Variants in RABGAP1L observed in about 807,000 individuals in gnomAD.
RABGAP1L encodes the protein rab GTPase-activating protein 1-like.
A neutral mutation model predicts 137.7 loss-of-function variants in RABGAP1L; 63 were observed. The ratio of observed to expected loss-of-function variants is 0.46; its 90% CI spans 0.37 to 0.56. The LOEUF is 0.56. Among genes scored for constraint, RABGAP1L ranks in the 20% least tolerant of loss-of-function variants. RABGAP1L has a pLI of 0.00. For synonymous variants in RABGAP1L, 431 were observed against 433.7 expected (o/e 0.99, Z 0.08); for missense variants, 1,095 against 1,244.0 (o/e 0.88, Z 1.80).
intron 18 of RABGAP1L, among the ~76,000 whole-genome samples, chr1:174,772,553 G>A (rs1290444897): frequency 1.7e-5 from 2 of 115,806 alleles, no homozygotes; most frequent in East Asian, 4.8e-4. Context: ...GGGCAACAGA[G>A]CAAGACTCCA....
rs1553248317 is a variant in RABGAP1L at position 174,176,741 on chromosome 1, A to AAATAATAAAAT, written c.-34+17086_-34+17087insTAATAAAATAA. Among the ~76,000 whole-genome samples, 3 of 111,778 alleles carry AAATAATAAAAT rather than the reference A, an allele frequency of 2.7e-5. 1 individual carries two copies. The highest frequency in any genetic ancestry group is 1.1e-4 in the African/African-American group (3 of 27,976). 73.3% of individuals were successfully genotyped at this position (111,778 alleles called of 152,430 possible). A position where few individuals can be genotyped will look rare whatever the true frequency, so the allele number is the denominator to read the frequency against. On this transcript the variant is annotated intron_variant, in intron 1 of 25. Transcript: ENST00000681986. ...AAAAAAAAAAAAAAAAAAAAAAAAA[A>AAATAATAAAAT]AAAAAGGTCAACATTTGTTAATACT...
intron 5 of RABGAP1L, among the ~76,000 whole-genome samples, chr1:174,248,992 A>G (rs1332732250): frequency 7.9e-5 from 12 of 152,322 alleles, no homozygotes; most frequent in Non-Finnish European, 1.5e-4. Flanking sequence ...TGGTGCTTCA[A>G]GCTCACAAGT....
intron 13 of RABGAP1L, among the ~76,000 whole-genome samples, chr1:174,559,950 A>G (rs1324311562): frequency 7.9e-5 from 12 of 152,192 alleles, no homozygotes; most frequent in Admixed American, 7.9e-4. Context: ...CCTGGCCAAC[A>G]TGGTGAAACC....
At chr1:174,227,482 T>G (rs2148492830) in intron 3 of RABGAP1L, among the ~76,000 whole-genome samples, 1 of 152,192 alleles carries the variant, frequency 6.6e-6, no homozygotes, top group East Asian at 1.9e-4. Flanking sequence ...ATTACAGGCA[T>G]GAGTCACTGC....
intron 18 of RABGAP1L, among the ~76,000 whole-genome samples, chr1:174,768,500 G>A (rs750899053): frequency 8.5e-5 from 13 of 152,196 alleles, no homozygotes; most frequent in African/African-American, 3.1e-4. Flanking sequence ...TAGTCAACTG[G>A]TAAGGGAAAA....
chr1:174,609,234 G>A (rs1377491445), intron 13 of RABGAP1L, among the ~76,000 whole-genome samples: 1 of 152,120 alleles, frequency 6.6e-6, no homozygotes, highest in African/African-American at 2.4e-5. Flanking sequence ...CCTTCTCTTA[G>A]CCCTAGAGCC....
At chr1:174,635,064 T>TA (rs201569900) in intron 13 of RABGAP1L, among the ~76,000 whole-genome samples, 7 of 150,544 alleles carry the variant, frequency 4.6e-5, no homozygotes, top group African/African-American at 1.5e-4. Context: ...AATAAAAAAA[T>TA]AAAAAAAGAA....
rs553972845 is a variant in RABGAP1L at position 174,493,978 on chromosome 1, G to A, written c.1710+99833G>A. On this transcript the variant is annotated intron_variant, in intron 13 of 25. Coordinates refer to ENST00000681986, the MANE Select transcript of RABGAP1L (RefSeq NM_001366446.1). Reference sequence around the variant, plus strand: ...TGAACTTAAATACTTTTTGGCAGTTGCCATTTTTCAGTTAGATGGTATTTT... The same window carrying A: ...TGAACTTAAATACTTTTTGGCAGTTACCATTTTTCAGTTAGATGGTATTTT... 7.2e-5 allele frequency among the ~76,000 whole-genome samples: 11 copies of A among 152,124 alleles called. No homozygotes were observed. The Middle Eastern group carries it at 0.01, about 141-fold the overall frequency.
chr1:174,811,769 G>T, intron 18 of RABGAP1L, 63 bp from the exon 19 acceptor site: 1 of 1,379,556 alleles, frequency 7.2e-7, no homozygotes, highest in Non-Finnish European at 9.5e-7. Flanking sequence ...AATTCTTTTT[G>T]AAATATATTT....
chr1:174,727,554 G>T (rs1369895402), intron 17 of RABGAP1L, among the ~76,000 whole-genome samples: 1 of 152,180 alleles, frequency 6.6e-6, no homozygotes, highest in Non-Finnish European at 1.5e-5. Context: ...GGAAGAGGAT[G>T]ACTGAAAGGT....
At chr1:174,234,352 C>T (rs892749639) in intron 4 of RABGAP1L, among the ~76,000 whole-genome samples, 4 of 132,130 alleles carry the variant, frequency 3.0e-5, no homozygotes, top group Admixed American at 2.9e-4. Flanking sequence ...ACGCCTATGT[C>T]CTGAATGGTA....
chr1:174,839,131 A>C (rs1282838452), intron 19 of RABGAP1L, among the ~76,000 whole-genome samples: 1 of 151,518 alleles, frequency 6.6e-6, no homozygotes, highest in Non-Finnish European at 1.5e-5. Context: ...AATTGCTGCC[A>C]AGGGGATAAA....
intron 13 of RABGAP1L, among the ~76,000 whole-genome samples, chr1:174,568,687 CTG>C (rs1254256724): frequency 6.6e-6 from 1 of 151,942 alleles, no homozygotes; most frequent in Non-Finnish European, 1.5e-5. Context: ...GAGAGAAAGA[CTG>C]AGTGTGTGTG....
chr1:174,349,049 G>C (rs1288939908), intron 11 of RABGAP1L, among the ~76,000 whole-genome samples: 14 of 147,578 alleles, frequency 9.5e-5, no homozygotes, highest in Non-Finnish European at 1.8e-4. Context: ...CCGGGCGGGG[G>C]GGGGGCTGAC....
At chr1:174,254,935 C>G (rs1266855578) in intron 7 of RABGAP1L, among the ~76,000 whole-genome samples, 2 of 152,172 alleles carry the variant, frequency 1.3e-5, no homozygotes, top group African/African-American at 4.8e-5. Context: ...AATGGTTGAA[C>G]TAATTTGCAC....
At chr1:174,630,781 CT>C (rs1400364202) in intron 13 of RABGAP1L, among the ~76,000 whole-genome samples, 17 of 145,582 alleles carry the variant, frequency 1.2e-4, no homozygotes, top group African/African-American at 4.3e-4. Context: ...ATTCTTCTCT[CT>C]TTTTTTCTTT....
intron 17 of RABGAP1L, among the ~76,000 whole-genome samples, chr1:174,710,153 T>C (rs1680369171): frequency 6.6e-6 from 1 of 151,842 alleles, no homozygotes; most frequent in African/African-American, 2.4e-5. Flanking sequence ...CTCCAAGAAA[T>C]ATGGGACTGG....
At chr1:174,599,357 A>G (rs1670243839) in intron 13 of RABGAP1L, among the ~76,000 whole-genome samples, 1 of 152,152 alleles carries the variant, frequency 6.6e-6, no homozygotes, top group South Asian at 2.1e-4. Flanking sequence ...TATATGGAAG[A>G]TATAAGTAGT....
chr1:174,916,911 T>C (rs1660975277), intron 19 of RABGAP1L, among the ~76,000 whole-genome samples: 1 of 152,208 alleles, frequency 6.6e-6, no homozygotes, highest in South Asian at 2.1e-4. Flanking sequence ...AAACACCGTA[T>C]ACAATATCAC....
Sources: gnomAD v4.1 joint callset for allele counts (sites outside exome capture counted in the v4.1 genomes callset) on GRCh38, gnomAD v4.1.1 for gene constraint, MANE v1.5 for transcripts, NCBI Gene and HGNC (gene_info 2026-07-23, HGNC 2026-07-21) for gene names.